The following ANO6 variants were observed in gnomAD, a reference collection of about 807,000 sequenced individuals.
The protein encoded by ANO6 is anoctamin-6.
In ANO6, 106 loss-of-function variants were observed where a neutral mutation model predicts 117.5. The ratio of observed to expected loss-of-function variants is 0.90; its 90% CI spans 0.77 to 1.06. ANO6 has a LOEUF of 1.06. Among genes scored for constraint, ANO6 ranks in the 50% least tolerant of loss-of-function variants. The pLI, the probability that ANO6 is intolerant of heterozygous loss-of-function variation, is 0.00. For synonymous variants in ANO6, 367 were observed against 385.1 expected (o/e 0.95, Z 0.55); for missense variants, 955 against 1,121.1 (o/e 0.85, Z 2.12).
rs768392010 is a variant in ANO6, at chr12:45,421,315, A to G, written c.2420+42A>G. On this transcript the variant is annotated intron_variant, in intron 18 of 19. Coordinates refer to ENST00000320560, the MANE Select transcript of ANO6 (RefSeq NM_001025356.3). Reference sequence around the variant, plus strand: ...TTGTTTAAAAATGCACTTCATCTTTAAAAGGGTTTTTCTTGTGACTTAATT... The same window carrying G: ...TTGTTTAAAAATGCACTTCATCTTTGAAAGGGTTTTTCTTGTGACTTAATT... 5.7e-6 allele frequency: 9 copies of G among 1,584,178 alleles called. No homozygotes were observed. The Admixed American group carries it at 1.5e-4, about 27-fold the overall frequency.
intron 3 of ANO6, among the ~76,000 whole-genome samples, chr12:45,345,062 T>C (rs1941091039): frequency 6.6e-6 from 1 of 152,164 alleles, no homozygotes; most frequent in African/African-American, 2.4e-5. Flanking sequence ...AGGGAAGTTA[T>C]ACCACTTGCT....
chr12:45,247,796 C>G (rs1434338369), intron 1 of ANO6, among the ~76,000 whole-genome samples: 1 of 152,170 alleles, frequency 6.6e-6, no homozygotes, highest in East Asian at 1.9e-4. Flanking sequence ...GAGGGCCCCA[C>G]CCTCTTGACC....
At chr12:45,298,646 T>C (rs1410436922) in intron 1 of ANO6, among the ~76,000 whole-genome samples, 1 of 152,218 alleles carries the variant, frequency 6.6e-6, no homozygotes, top group Non-Finnish European at 1.5e-5. Context: ...TCACTCAGAT[T>C]TACAGTTTTT....
chr12:45,295,052 A>T (rs1862907), intron 1 of ANO6, among the ~76,000 whole-genome samples: 140,818 of 152,282 alleles, frequency 0.92, 66,103 homozygotes, highest in East Asian at 1. Context: ...GAAACAGACT[A>T]AGCGTTAAGT....
At chr12:45,216,438 CG>C in intron 1 of ANO6, 47 bp downstream of exon 1, 2 of 1,593,694 alleles carry the variant, frequency 1.3e-6, no homozygotes, top group Middle Eastern at 1.7e-4. Flanking sequence ...CGAGCCGACG[CG>C]GGAAGAAGTT....
At chr12:45,229,696 G>GT (rs1275148151) in intron 1 of ANO6, among the ~76,000 whole-genome samples, 2 of 151,108 alleles carry the variant, frequency 1.3e-5, no homozygotes, top group South Asian at 2.1e-4. Context: ...CCTTATTTTA[G>GT]TTTTTTTAAT....
Position 45,423,043 on chromosome 12 carries a change from C to T in ANO6, c.2507C>T (p.Ala836Val). Residue 836 changes from alanine to valine, a missense_variant, in exon 19 of 20, where the codon GCT becomes GTT. Physicochemically the swap from Ala to Val is moderately conservative, Grantham distance 64 (BLOSUM62 0). Transcript: ENST00000320560. ...YYWHVIAAKLAFIIVMEHVIY... is the reference protein window; with the variant it reads ...YYWHVIAAKLVFIIVMEHVIY... ...TGGCATGTGATTGCAGCCAAGCTGG[C>T]TTTTATCATTGTCATGGAGGTAGGA... 1.2e-6 allele frequency: 2 copies of T among 1,613,166 alleles called. No individual in the cohort carries two copies. The highest frequency in any genetic ancestry group is 3.3e-4 in the Middle Eastern group (2 of 6,054).
intron 1 of ANO6, among the ~76,000 whole-genome samples, chr12:45,225,636 C>T (rs1044322690): frequency 2.0e-5 from 3 of 151,994 alleles, no homozygotes; most frequent in African/African-American, 7.2e-5. Flanking sequence ...CTACAGGCAC[C>T]CACCACCACG....
At chr12:45,352,053 G>A (rs549307167) in intron 7 of ANO6, among the ~76,000 whole-genome samples, 1 of 152,072 alleles carries the variant, frequency 6.6e-6, no homozygotes, top group South Asian at 2.1e-4. Context: ...GAGGAGAGGA[G>A]AGTTAACTTC....
At chr12:45,426,467 C>A (rs1251029898) in intron 19 of ANO6, among the ~76,000 whole-genome samples, 1 of 152,178 alleles carries the variant, frequency 6.6e-6, no homozygotes, top group African/African-American at 2.4e-5. Flanking sequence ...CCAGTACATG[C>A]TGTCCTCGAT....
chr12:45,351,066 G>C (rs1941268031), intron 7 of ANO6, among the ~76,000 whole-genome samples: 1 of 152,118 alleles, frequency 6.6e-6, no homozygotes, highest in African/African-American at 2.4e-5. Context: ...CCTCCACCCT[G>C]AGTCATCTCA....
At chr12:45,294,072 A>T (rs751191831) in intron 1 of ANO6, among the ~76,000 whole-genome samples, 8 of 152,158 alleles carry the variant, frequency 5.3e-5, no homozygotes, top group Non-Finnish European at 1.2e-4. Context: ...GGGATATGGG[A>T]ATGTGCATTC....
At chr12:45,216,770 C>A (rs2137110362) in intron 1 of ANO6, among the ~76,000 whole-genome samples, 1 of 152,368 alleles carries the variant, frequency 6.6e-6, no homozygotes, top group East Asian at 1.9e-4. Flanking sequence ...CTGGGGCGAG[C>A]CCCCTGGGCG....
At chr12:45,403,666 T>C in intron 15 of ANO6, 130 bp downstream of exon 15, 1 of 778,168 alleles carries the variant, frequency 1.3e-6, no homozygotes, top group Non-Finnish European at 2.2e-6. Flanking sequence ...TCAGAATCTG[T>C]TGTCATTAAA....
exon 20 of ANO6, chr12:45,440,055 T>A: frequency 9.6e-7 from 1 of 1,046,256 alleles, no homozygotes; most frequent in South Asian, 3.8e-5. Flanking sequence ...ATACTGGCAT[T>A]TAAGACCATT....
rs1257380320 is a variant in ANO6 at position 45,416,707 on chromosome 12, T to A, written c.2020T>A (p.Phe674Ile). The change falls in exon 17 of 20, where the codon TTT becomes ATT. Residue 674 changes from phenylalanine to isoleucine, a missense_variant. Phe to Ile is a conservative substitution (Grantham distance 21, BLOSUM62 0). Coordinates refer to ENST00000320560, the MANE Select transcript of ANO6 (RefSeq NM_001025356.3). ...GTCCATTCCATTGACAGTTATTCAG[T>A]TTGGGTTCGTCACCTTATTTGTGGC... Reference protein sequence around the residue: ...FYEYLEMIIQFGFVTLFVASF... With the variant: ...FYEYLEMIIQIGFVTLFVASF... 3 of 1,613,914 alleles carry A rather than the reference T, an allele frequency of 1.9e-6. No individual in the cohort carries two copies. Among genetic ancestry groups the A allele is most frequent in the Non-Finnish European group, 2.5e-6 (3 of 1,179,930 alleles).
At chr12:45,315,045 T>G (rs1016828979) in intron 2 of ANO6, among the ~76,000 whole-genome samples, 82 of 152,116 alleles carry the variant, frequency 5.4e-4, no homozygotes, top group African/African-American at 1.9e-3. Context: ...GTAGAAATGT[T>G]GGACTAAAGA....
chr12:45,401,777 T>G lies in ANO6; in HGVS notation c.1387-18T>G, dbSNP rs1395520297. On this transcript the variant is annotated intron_variant, in intron 12 of 19. Coordinates refer to ENST00000320560, the MANE Select transcript of ANO6 (RefSeq NM_001025356.3). ...GTTATTGGTGAGTCTCATGCTACTG[T>G]GTTTGTTGTGCTTTCAGATCCTATT... The G allele has an allele frequency of 3.8e-6, 6 of 1,598,220 alleles. No homozygotes were observed. The highest frequency in any genetic ancestry group is 5.1e-6 in the Non-Finnish European group (6 of 1,166,092).
At chr12:45,432,614 CTT>C (rs1943658702), downstream of ANO6, among the ~76,000 whole-genome samples, 2 of 152,146 alleles carry the variant, frequency 1.3e-5, no homozygotes, top group South Asian at 4.1e-4. Context: ...TTTTACCAGA[CTT>C]TTGAATAATG....
Sources: gnomAD v4.1 joint callset for allele counts (sites outside exome capture counted in the v4.1 genomes callset) on GRCh38, gnomAD v4.1.1 for gene constraint, MANE v1.5 for transcripts, NCBI Gene and HGNC (gene_info 2026-07-23, HGNC 2026-07-21) for gene names.